The following PLXNA4 variants were observed in gnomAD, a reference collection of about 807,000 sequenced individuals.
PLXNA4 encodes the protein plexin A4.
PLXNA4 carries 44 observed loss-of-function variants against 191.8 expected under a neutral mutation model. The observed-to-expected ratio is 0.23, with a 90% confidence interval of 0.18 to 0.29. The LOEUF (loss-of-function observed/expected upper bound fraction) is 0.29. Among genes scored for constraint, PLXNA4 ranks in the 10% least tolerant of loss-of-function variants. PLXNA4 has a pLI of 1.00. For synonymous variants in PLXNA4, 1,082 were observed against 1,009.5 expected, an observed-to-expected ratio of 1.07 and a Z score of -1.36; for missense variants, 1,800 against 2,488.8, an observed-to-expected ratio of 0.72 and a Z score of 5.89.
chr7:132,432,963 C>T (rs994694833), intron 3 of PLXNA4, among the ~76,000 whole-genome samples: 1 of 152,152 alleles, frequency 6.6e-6, no homozygotes, highest in Non-Finnish European at 1.5e-5. Flanking sequence ...GTATGCATTA[C>T]CACCCCACCA....
At chr7:132,301,927 C>T (rs1355460055) in intron 3 of PLXNA4, among the ~76,000 whole-genome samples, 1 of 152,208 alleles carries the variant, frequency 6.6e-6, no homozygotes, top group African/African-American at 2.4e-5. Context: ...AAGATGGAGG[C>T]TGTTCTGTGC....
intron 3 of PLXNA4, among the ~76,000 whole-genome samples, chr7:132,421,826 C>T (rs1445160919): frequency 1.3e-5 from 2 of 152,076 alleles, no homozygotes; most frequent in African/African-American, 2.4e-5. Context: ...TTTTTTGAGA[C>T]ACCAATTTAG....
chr7:132,148,524 C>A lies in PLXNA4; in HGVS notation c.4764+19G>T. The A allele has an allele frequency of 6.2e-7, 1 of 1,613,946 alleles. No individual in the cohort carries two copies. Among genetic ancestry groups the A allele is most frequent in the Middle Eastern group, 1.6e-4 (1 of 6,062 alleles). ...GACTTGTAGTTGGCTAGCTCCTCCC[C>A]TTTCCACATTCCCCTCACCTGGTAG... On this transcript the variant is annotated intron_variant, in intron 26 of 31. Coordinates refer to ENST00000321063, the MANE Select transcript of PLXNA4 (RefSeq NM_020911.2).
rs369473576 is a variant in PLXNA4 at position 132,174,942 on chromosome 7, G to T, written c.3875-22C>A. 7 of 1,612,846 alleles carry T rather than the reference G, an allele frequency of 4.3e-6. No homozygotes were observed. In the African/African-American group the frequency reaches 8.0e-5, roughly 18 times the overall value. Reference sequence around the variant, plus strand: ...AAGGCTGGCACGAAGAGAAGCCTGTGAGATGGCTGGATGGGGAGGCTCCAG... The same window carrying T: ...AAGGCTGGCACGAAGAGAAGCCTGTTAGATGGCTGGATGGGGAGGCTCCAG... On this transcript the variant is annotated intron_variant, in intron 20 of 31. Coordinates refer to ENST00000321063, the MANE Select transcript of PLXNA4 (RefSeq NM_020911.2).
At chr7:132,457,117 T>C (rs1796341832) in intron 3 of PLXNA4, among the ~76,000 whole-genome samples, 1 of 152,254 alleles carries the variant, frequency 6.6e-6, no homozygotes, top group Admixed American at 6.5e-5. Flanking sequence ...CAAAGATTCC[T>C]GTTTATCCCA....
chr7:132,467,292 T>C (rs1305566028), intron 3 of PLXNA4, among the ~76,000 whole-genome samples: 1 of 152,148 alleles, frequency 6.6e-6, no homozygotes, highest in East Asian at 1.9e-4. Flanking sequence ...GCATTATTTT[T>C]CCAGAGCTGA....
intron 2 of PLXNA4, among the ~76,000 whole-genome samples, chr7:132,506,374 G>GTA (rs1448970522): frequency 2.0e-5 from 3 of 152,174 alleles, no homozygotes; most frequent in Non-Finnish European, 4.4e-5. Flanking sequence ...CAAAGTTTAA[G>GTA]GAGTCAAGAA....
chr7:132,496,445 A>C (rs1020113245), intron 2 of PLXNA4, among the ~76,000 whole-genome samples: 1 of 152,140 alleles, frequency 6.6e-6, no homozygotes, highest in Admixed American at 6.5e-5. Context: ...CTCTGTTACC[A>C]GGGTGGAATG....
chr7:132,576,721 C>A, upstream of PLXNA4: 2 of 464,846 alleles, frequency 4.3e-6, no homozygotes, highest in Non-Finnish European at 5.6e-6. The surrounding 1 kb of genome is among the most constrained non-coding windows in gnomAD (Gnocchi z 5.8). Flanking sequence ...TCCGAACACC[C>A]CTTTCCTCCA....
chr7:132,530,569 T>C (rs1484025594), intron 1 of PLXNA4, among the ~76,000 whole-genome samples: 1 of 152,166 alleles, frequency 6.6e-6, no homozygotes, highest in Non-Finnish European at 1.5e-5. Context: ...ATGGCTATAA[T>C]CAAGAAAACA....
intron 1 of PLXNA4, among the ~76,000 whole-genome samples, chr7:132,563,731 T>C (rs999213441): frequency 2.1e-3 from 111 of 51,664 alleles, no homozygotes; most frequent in South Asian, 3.3e-3. Context: ...CCTCTTCCTC[T>C]TCCTCCTCCT....
rs979193633 is a variant in PLXNA4, at chr7:132,518,926, G to A, written c.-86-10147C>T. On this transcript the variant is annotated intron_variant, in intron 1 of 31. Coordinates refer to ENST00000321063, the MANE Select transcript of PLXNA4 (RefSeq NM_020911.2). ...CCACGTCTCCCTGGCCAAGTCTGCC[G>A]TTCCCAGTAGAGTCGAGCAGGAGCT... Among the ~76,000 whole-genome samples the A allele has an allele frequency of 6.6e-5, 8 of 121,832 alleles. 1 individual carries two copies. Among genetic ancestry groups the A allele is most frequent in the East Asian group, 3.9e-4 (2 of 5,164 alleles). The allele number at this position is 121,832 out of a possible 152,430, so 79.9% of individuals were successfully genotyped here. A position where few individuals can be genotyped will look rare whatever the true frequency, so the allele number is the denominator to read the frequency against.
intron 16 of PLXNA4, among the ~76,000 whole-genome samples, chr7:132,184,358 A>C (rs1320479258): frequency 6.6e-6 from 1 of 152,242 alleles, no homozygotes; most frequent in African/African-American, 2.4e-5. Flanking sequence ...GCTGGTAAGC[A>C]GTGGAGCTGG....
intron 2 of PLXNA4, among the ~76,000 whole-genome samples, chr7:132,631,975 C>T (rs1046926286): frequency 6.6e-6 from 1 of 152,182 alleles, no homozygotes; most frequent in Non-Finnish European, 1.5e-5. Context: ...TGGCTCATGC[C>T]TGTAATCCCA....
chr7:132,607,187 G>GCATT (rs1390901386), intron 2 of PLXNA4, among the ~76,000 whole-genome samples: 2 of 152,172 alleles, frequency 1.3e-5, no homozygotes, highest in African/African-American at 4.8e-5. Flanking sequence ...CGCACCCAGA[G>GCATT]CATTCCAGTT....
At position 132,130,451 on chromosome 7, in the gene PLXNA4, C is replaced by T; in HGVS notation, c.*28G>A. On this transcript the variant is annotated 3_prime_UTR_variant, in exon 32 of 32. Transcript: ENST00000321063. ...CTGAGGCACGGCTTGGTGTGTCCCC[C>T]TCCAGGGCGGCCCTGGAAGGACGGT... 6.2e-7 allele frequency: 1 copy of T among 1,613,960 alleles called. No individual in the cohort carries two copies. Among genetic ancestry groups the T allele is most frequent in the South Asian group, 1.1e-5 (1 of 91,052 alleles).
At chr7:132,386,477 T>G (rs1026258445) in intron 3 of PLXNA4, among the ~76,000 whole-genome samples, 1 of 152,206 alleles carries the variant, frequency 6.6e-6, no homozygotes, top group Non-Finnish European at 1.5e-5. Flanking sequence ...CTGGCTTGTT[T>G]TGCAGCCTAG....
At chr7:132,579,367 T>TCTGTATACACAG (rs1213432755), upstream of PLXNA4, among the ~76,000 whole-genome samples, 1 of 152,030 alleles carries the variant, frequency 6.6e-6, no homozygotes, top group African/African-American at 2.4e-5. Flanking sequence ...TCTCAGTCAT[T>TCTGTATACACAG]CTAGCATGTA....
At chr7:132,173,465 T>C (rs1183574565) in intron 21 of PLXNA4, among the ~76,000 whole-genome samples, 1 of 152,208 alleles carries the variant, frequency 6.6e-6, no homozygotes, top group African/African-American at 2.4e-5. Flanking sequence ...CTCCAACTTA[T>C]GAAAGTGTCT....
Sources: allele counts gnomAD v4.1 joint callset (sites outside exome capture counted in the v4.1 genomes callset), GRCh38; gene constraint gnomAD v4.1.1; non-coding constraint Gnocchi (gnomAD v3.1); transcripts MANE v1.5; gene names NCBI Gene and HGNC (gene_info 2026-07-23, HGNC 2026-07-21).